CEP63: variants seen among roughly 807,000 people sequenced by gnomAD.
The protein encoded by CEP63 is centrosomal protein of 63 kDa.
Under a neutral mutation model 89.1 loss-of-function variants are expected in CEP63, and 84 were observed. That is an observed-to-expected ratio of 0.94 (90% CI 0.79 to 1.13). CEP63 has a LOEUF of 1.13. Ranked by LOEUF, CEP63 falls within the 50% of genes most tolerant of loss-of-function variation. The pLI is 0.00. For missense variants in CEP63, 838 were observed against 813.3 expected (o/e 1.03, Z -0.37); for synonymous variants, 267 against 272.5 (o/e 0.98, Z 0.20).
At chr3:134,555,432 A>G (rs1436192750) in intron 12 of CEP63, among the ~76,000 whole-genome samples, 1 of 150,754 alleles carries the variant, frequency 6.6e-6, no homozygotes, top group Non-Finnish European at 1.5e-5. Flanking sequence ...AAGTCTCAGG[A>G]TACAAAATCA....
the CEP63 span, among the ~76,000 whole-genome samples, chr3:134,597,199 G>T: frequency 2.0e-5 from 3 of 152,196 alleles, no homozygotes. Context: ...CTTGGCTGTT[G>T]TGTTGAGGCT....
the CEP63 span, among the ~76,000 whole-genome samples, chr3:134,728,567 G>A: frequency 2.6e-5 from 4 of 152,048 alleles, no homozygotes; most frequent in Non-Finnish European, 4.4e-5. Context: ...CCAGATACAG[G>A]GGACACAAAG....
chr3:134,768,905 A>T, the CEP63 span, among the ~76,000 whole-genome samples: 1 of 152,190 alleles, frequency 6.6e-6, no homozygotes, highest in Admixed American at 6.5e-5. Context: ...AGCTTCAAGC[A>T]TGAGAAGGCT....
At chr3:134,590,360 G>A (rs1381350522), downstream of CEP63, among the ~76,000 whole-genome samples, 2 of 152,004 alleles carry the variant, frequency 1.3e-5, no homozygotes, top group Non-Finnish European at 2.9e-5. Context: ...TGGATACTAG[G>A]TCAATGCATG....
the CEP63 span, among the ~76,000 whole-genome samples, chr3:134,689,822 T>G: frequency 2.0e-5 from 3 of 152,312 alleles, no homozygotes; most frequent in African/African-American, 4.8e-5. Context: ...ACCAGTAAGA[T>G]GTTACAACTA....
intron 10 of CEP63, among the ~76,000 whole-genome samples, chr3:134,585,003 C>T (rs6774705): frequency 1 from 144,103 of 144,404 alleles, 71,903 homozygotes; most frequent in Middle Eastern, 1. Flanking sequence ...TATTCTCTCA[C>T]GGTAGTTTGT....
chr3:134,688,260 T>G, the CEP63 span, among the ~76,000 whole-genome samples: 1 of 152,230 alleles, frequency 6.6e-6, no homozygotes, highest in Non-Finnish European at 1.5e-5. Flanking sequence ...TGGATCAACA[T>G]ACTATAATAT....
At chr3:134,581,829 C>T (rs1328462419) in intron 10 of CEP63, among the ~76,000 whole-genome samples, 3 of 150,126 alleles carry the variant, frequency 2.0e-5, no homozygotes, top group African/African-American at 7.4e-5. Context: ...GCGCCCGCTA[C>T]CACGCCCGGC....
rs928272644 is a variant in CEP63, at chr3:134,486,464, G to C, written c.-26+262G>C. 5 of 985,484 alleles carry C rather than the reference G, an allele frequency of 5.1e-6. No individual in the cohort carries two copies. The African/African-American group carries it at 8.7e-5, about 17-fold the overall frequency. The allele number at this position is 985,484 out of a possible 1,614,324, so 61.0% of individuals were successfully genotyped here. On this transcript the variant is annotated intron_variant, in intron 1 of 14. Coordinates refer to ENST00000675561, the MANE Select transcript of CEP63 (RefSeq NM_001353108.3). Reference sequence around the variant, plus strand: ...ATGCCCTGCACACTGGCGGAGTCTGGCGTGGCGCAGCCCGGCGTGGGGTTC... The same window carrying C: ...ATGCCCTGCACACTGGCGGAGTCTGCCGTGGCGCAGCCCGGCGTGGGGTTC...
chr3:134,586,084 G>C (rs1241849476), intron 10 of CEP63, among the ~76,000 whole-genome samples: 1 of 151,916 alleles, frequency 6.6e-6, no homozygotes, highest in East Asian at 1.9e-4. Flanking sequence ...TTGAGCCTAT[G>C]TGTGTCTCTG....
the CEP63 span, among the ~76,000 whole-genome samples, chr3:134,768,984 G>A: frequency 1.3e-5 from 2 of 152,142 alleles, no homozygotes; most frequent in Non-Finnish European, 2.9e-5. Context: ...GAACACTCCA[G>A]CTGACATCTA....
At chr3:134,694,915 T>C in the CEP63 span, among the ~76,000 whole-genome samples, 1 of 152,202 alleles carries the variant, frequency 6.6e-6, no homozygotes, top group East Asian at 1.9e-4. Flanking sequence ...GCACGTGTGT[T>C]TGTATTTGTG....
chr3:134,691,696 C>A, the CEP63 span, among the ~76,000 whole-genome samples: 1 of 152,210 alleles, frequency 6.6e-6, no homozygotes, highest in African/African-American at 2.4e-5. Flanking sequence ...GAAAACAAAT[C>A]TATTTTCCCA....
chr3:134,685,074 TA>T, the CEP63 span, among the ~76,000 whole-genome samples: 1 of 152,228 alleles, frequency 6.6e-6, no homozygotes, highest in Non-Finnish European at 1.5e-5. Flanking sequence ...CTAACATAAA[TA>T]TTTTTTTCAT....
At chr3:134,727,515 G>A in the CEP63 span, among the ~76,000 whole-genome samples, 4 of 152,108 alleles carry the variant, frequency 2.6e-5, no homozygotes. Flanking sequence ...CACGGAGTAC[G>A]TGCAAGTGGG....
the CEP63 span, among the ~76,000 whole-genome samples, chr3:134,731,124 G>C: frequency 6.6e-6 from 1 of 152,064 alleles, no homozygotes; most frequent in East Asian, 1.9e-4. Flanking sequence ...TATATAAAGT[G>C]AAATTTGACA....
the CEP63 span, among the ~76,000 whole-genome samples, chr3:134,735,920 A>G: frequency 4.6e-5 from 7 of 152,132 alleles, no homozygotes; most frequent in Non-Finnish European, 8.8e-5. Flanking sequence ...ATTTAATGAG[A>G]CTGGTATCAC....
At chr3:134,598,745 G>A in the CEP63 span, among the ~76,000 whole-genome samples, 1 of 152,220 alleles carries the variant, frequency 6.6e-6, no homozygotes, top group African/African-American at 2.4e-5. Context: ...GGATAGGGAT[G>A]CATTTACTGA....
the CEP63 span, among the ~76,000 whole-genome samples, chr3:134,715,173 C>T: frequency 6.6e-6 from 1 of 152,188 alleles, no homozygotes; most frequent in African/African-American, 2.4e-5. Flanking sequence ...TATCAGGATA[C>T]TACTGTCCAT....
Sources: gnomAD v4.1 joint callset for allele counts (sites outside exome capture counted in the v4.1 genomes callset) on GRCh38, gnomAD v4.1.1 for gene constraint, MANE v1.5 for transcripts, NCBI Gene and HGNC (gene_info 2026-07-23, HGNC 2026-07-21) for gene names.